The following SHE variants were observed in gnomAD, a reference collection of about 807,000 sequenced individuals.
SHE encodes the protein SH2 domain-containing adapter protein E.
SHE carries 11 observed loss-of-function variants against 49.8 expected under a neutral mutation model. That is an observed-to-expected ratio of 0.22 (90% CI 0.14 to 0.37). The LOEUF is 0.37. Among genes scored for constraint, SHE ranks in the 10% least tolerant of loss-of-function variants. The pLI is 1.00. For synonymous variants in SHE, 310 were observed against 278.1 expected (o/e 1.11, Z -1.14); for missense variants, 624 against 655.5 (o/e 0.95, Z 0.52).
At position 154,483,829 on chromosome 1, in the gene SHE, T is replaced by TA; in HGVS notation, c.*319dup. The TA allele has an allele frequency of 1.3e-6, 1 of 794,728 alleles. No individual in the cohort carries two copies. The allele number at this position is 794,728 out of a possible 1,614,324, so 49.2% of individuals were successfully genotyped here. ...GAAGACGGCGAAACCCCATCTCTACTAAAAATACAAAAAAAAAAATTAGCT... is the reference window on the plus strand; with the variant it reads ...GAAGACGGCGAAACCCCATCTCTACTAAAAAATACAAAAAAAAAAATTAGCT... On this transcript the variant is annotated 3_prime_UTR_variant, in exon 6 of 6. Transcript: ENST00000304760.
At position 154,482,691 on chromosome 1, in the gene SHE, G is replaced by T. The variant is rs1239598660; in HGVS notation, c.*1458C>A. On this transcript the variant is annotated 3_prime_UTR_variant, in exon 6 of 6. Transcript: ENST00000304760. ...CTTCTCACAGTATGCCATTCCCATG[G>T]TTTTTTTCACAGTAAATAAACTGGT... 1.0e-6 allele frequency: 1 copy of T among 985,292 alleles called. No individual in the cohort carries two copies. The highest frequency in any genetic ancestry group is 1.2e-6 in the Non-Finnish European group (1 of 829,888). 61.0% of individuals were successfully genotyped at this position (985,292 alleles called of 1,614,324 possible). A position where few individuals can be genotyped will look rare whatever the true frequency, so the allele number is the denominator to read the frequency against.
chr1:154,497,927 C>A (rs1692586713), intron 2 of SHE, among the ~76,000 whole-genome samples: 1 of 152,032 alleles, frequency 6.6e-6, no homozygotes, highest in Non-Finnish European at 1.5e-5. Flanking sequence ...AGGTGATCGG[C>A]CCACCTCGGC....
At chr1:154,472,433 C>T (rs1691768163) in intron 1 of SHE, among the ~76,000 whole-genome samples, 1 of 152,176 alleles carries the variant, frequency 6.6e-6, no homozygotes, top group Admixed American at 6.6e-5. Flanking sequence ...GAGCTGGGCC[C>T]CTAGAAAGCT....
Position 154,479,875 on chromosome 1 carries a change from G to A in SHE, c.*4274C>T. On this transcript the variant is annotated 3_prime_UTR_variant, in exon 6 of 6. Coordinates refer to ENST00000304760, the MANE Select transcript of SHE (RefSeq NM_001010846.3). ...AGACTTCAAAACACCCTTTCCGCAG[G>A]AAAGGGCATTTTTCAAGATGGCAAC... is the stretch of plus-strand genomic sequence containing the variant. 1.0e-6 allele frequency: 1 copy of A among 985,428 alleles called. No individual in the cohort carries two copies. The allele number at this position is 985,428 out of a possible 1,614,324, so 61.0% of individuals were successfully genotyped here.
downstream of SHE, among the ~76,000 whole-genome samples, chr1:154,478,622 C>T (rs922000640): frequency 6.6e-6 from 1 of 152,132 alleles, no homozygotes; most frequent in Non-Finnish European, 1.5e-5. Flanking sequence ...AGCATTTGTT[C>T]AGCAGCACAC....
rs762435713 is a variant in SHE at position 154,501,743 on chromosome 1, C to A, written c.284G>T (p.Gly95Val). Reference protein sequence around the residue: ...SAAELGSGRAGVGPKDSRLSR... With the variant: ...SAAELGSGRAVVGPKDSRLSR... ...CAGCCGGCTGTCCTTGGGGCCGACG[C>A]CGGCCCTGCCGCTCCCCAGCTCGGC... Residue 95 changes from glycine to valine, a missense_variant, in exon 1 of 6, where the codon GGC (glycine) becomes GTC (valine). Around this residue, in one of 4 missense-constraint regions of SHE, gnomAD observed 337 missense variants for 306.0 expected, o/e 1.10. Transcript: ENST00000304760. 4.8e-5 allele frequency: 75 copies of A among 1,568,486 alleles called. 1 individual carries two copies. In the East Asian group the frequency reaches 5.2e-4, roughly 11 times the overall value.
chr1:154,499,482 T>A (rs1414531599), intron 1 of SHE, among the ~76,000 whole-genome samples: 1 of 152,082 alleles, frequency 6.6e-6, no homozygotes, highest in Non-Finnish European at 1.5e-5. Flanking sequence ...TCTTTATACC[T>A]CCCTTTATTT....
At chr1:154,490,470 A>G (rs988232952) in intron 2 of SHE, among the ~76,000 whole-genome samples, 3 of 152,232 alleles carry the variant, frequency 2.0e-5, no homozygotes, top group African/African-American at 7.2e-5. Flanking sequence ...GTTGGGCTCT[A>G]GAAGCTATAC....
downstream of SHE, among the ~76,000 whole-genome samples, chr1:154,478,445 A>AAC (rs999263336): frequency 1.4e-5 from 2 of 144,670 alleles, no homozygotes; most frequent in African/African-American, 5.0e-5. Context: ...AAAAAAAAAA[A>AAC]AAACACTCTA....
chr1:154,471,695 C>CTT (rs1435336810), intron 1 of SHE, among the ~76,000 whole-genome samples: 3 of 150,982 alleles, frequency 2.0e-5, no homozygotes, highest in East Asian at 3.9e-4. Flanking sequence ...CTCTCTCTCT[C>CTT]TCTCTCTCTC....
intron 2 of SHE, among the ~76,000 whole-genome samples, chr1:154,494,272 C>T (rs1692455766): frequency 6.6e-6 from 1 of 151,598 alleles, no homozygotes; most frequent in African/African-American, 2.4e-5. Context: ...TGAAATTTAG[C>T]GAGGAGAATA....
rs759134796 is a variant in SHE, at chr1:154,483,848, AT to A, written c.*300del. 9 of 631,876 alleles carry A rather than the reference AT, an allele frequency of 1.4e-5. No homozygotes were observed. Among genetic ancestry groups the A allele is most frequent in the East Asian group, 6.6e-5 (1 of 15,186 alleles). The allele number at this position is 631,876 out of a possible 1,614,324, so 39.1% of individuals were successfully genotyped here. ...CTCTACTAAAAATACAAAAAAAAAA[AT>A]TAGCTGGGAGTGGTGGTGCGAACCT... On this transcript the variant is annotated 3_prime_UTR_variant, in exon 6 of 6. Coordinates refer to ENST00000304760, the MANE Select transcript of SHE (RefSeq NM_001010846.3).
At chr1:154,495,920 C>G (rs1027072730) in intron 2 of SHE, among the ~76,000 whole-genome samples, 4 of 152,182 alleles carry the variant, frequency 2.6e-5, no homozygotes, top group African/African-American at 9.7e-5. Context: ...CATTAAAATC[C>G]TTTCCATCTT....
intron 3 of SHE, among the ~76,000 whole-genome samples, chr1:154,486,947 T>C (rs904797771): frequency 6.6e-6 from 1 of 152,182 alleles, no homozygotes; most frequent in African/African-American, 2.4e-5. Context: ...AGGAAACCAC[T>C]TTAATGTATT....
chr1:154,495,211 T>G (rs920109907), intron 2 of SHE, among the ~76,000 whole-genome samples: 7 of 152,234 alleles, frequency 4.6e-5, no homozygotes, highest in African/African-American at 1.7e-4. Context: ...TTTAAAGACC[T>G]GTCCGATGCT....
intron 2 of SHE, among the ~76,000 whole-genome samples, chr1:154,496,259 A>AGTTGG (rs1692527147): frequency 6.6e-6 from 1 of 152,262 alleles, no homozygotes; most frequent in African/African-American, 2.4e-5. Context: ...AGACCAAAGT[A>AGTTGG]TACTTAGATC....
intron 2 of SHE, among the ~76,000 whole-genome samples, chr1:154,495,470 A>G (rs1692498117): frequency 6.6e-6 from 1 of 152,146 alleles, no homozygotes. Flanking sequence ...AAAAGTTAAG[A>G]GCAAAGTTTT....
chr1:154,476,807 A>G (rs1691887554), downstream of SHE, among the ~76,000 whole-genome samples: 1 of 152,210 alleles, frequency 6.6e-6, no homozygotes, highest in East Asian at 1.9e-4. Context: ...GTGCTCATCA[A>G]GTAATAATTT....
intron 5 of SHE, chr1:154,485,255 A>G (rs1419296642): frequency 1.3e-5 from 2 of 152,128 alleles, no homozygotes; most frequent in Non-Finnish European, 2.9e-5. Flanking sequence ...TTTCTGAGCC[A>G]TATTGCTCAA....
Sources: allele counts gnomAD v4.1 joint callset (sites outside exome capture counted in the v4.1 genomes callset), GRCh38; gene constraint gnomAD v4.1.1; regional missense constraint gnomAD v4.1.1; transcripts MANE v1.5; gene names NCBI Gene and HGNC (gene_info 2026-07-23, HGNC 2026-07-21).